Variants in SLC2A3 observed in about 807,000 individuals in gnomAD.
The protein encoded by SLC2A3 is solute carrier family 2 member 3.
A neutral mutation model predicts 46.4 loss-of-function variants in SLC2A3; 21 were observed. The ratio of observed to expected loss-of-function variants is 0.45; its 90% confidence interval spans 0.32 to 0.65. The LOEUF (loss-of-function observed/expected upper bound fraction) is 0.65, where lower values mean the gene tolerates loss of function less well. Ranked by LOEUF, SLC2A3 falls within the 30% of genes least tolerant of loss-of-function variation. The pLI, the probability that SLC2A3 is intolerant of heterozygous loss-of-function variation, is 0.04. For synonymous variants in SLC2A3, 213 were observed against 239.4 expected (o/e 0.89, Z 1.02); for missense variants, 499 against 623.3 (o/e 0.80, Z 2.12).
At chr12:7,925,628 CTA>C (rs1484757050) in intron 7 of SLC2A3, 3 of 425,616 alleles carry the variant, frequency 7.0e-6, no homozygotes, top group African/African-American at 5.9e-5. Flanking sequence ...TCAAAGCATA[CTA>C]TATAGTCCCT....
Position 7,930,542 on chromosome 12 carries a change from A to C in SLC2A3, c.611T>G (p.Phe204Cys), listed in dbSNP as rs1459332674. 4 of 1,613,916 alleles carry C rather than the reference A, an allele frequency of 2.5e-6. No individual in the cohort carries two copies. Among genetic ancestry groups the C allele is most frequent in the Admixed American group, 1.7e-5 (1 of 59,984 alleles). The change falls in exon 5 of 10, where the codon TTT becomes TGT. Residue 204 changes from phenylalanine (F) to cysteine (C), a missense_variant. Physicochemically the swap from Phe to Cys is radical, Grantham distance 205. Coordinates refer to ENST00000075120, the MANE Select transcript of SLC2A3 (RefSeq NM_006931.3). ...PAILQSAALP[F>C]CPESPRFLLI... ...CAAAAATCTGGGACTTTCAGGGCAA[A>C]ATGGAAGGGCTGCACTTTGTAGGAT...
In SLC2A3 at chr12:7,930,650, C is replaced by A; in HGVS notation, c.511-8G>T. Reference sequence around the variant, plus strand: ...GAATTCCAGACCAAAGATCTAGAAACCACACAAAGATAATGCTATAAACCC... The same window carrying A: ...GAATTCCAGACCAAAGATCTAGAAAACACACAAAGATAATGCTATAAACCC... On this transcript the variant is annotated splice_region_variant and splice_polypyrimidine_tract_variant and intron_variant, in intron 4 of 9. Coordinates refer to ENST00000075120, the MANE Select transcript of SLC2A3 (RefSeq NM_006931.3). 6.2e-7 allele frequency: 1 copy of A among 1,611,618 alleles called. No homozygotes were observed. The highest frequency in any genetic ancestry group is 1.7e-4 in the Middle Eastern group (1 of 6,058).
chr12:7,932,857 T>C (rs1373968360), intron 3 of SLC2A3, 130 bp downstream of exon 3: 6 of 1,367,944 alleles, frequency 4.4e-6, no homozygotes, highest in Non-Finnish European at 6.0e-6. Flanking sequence ...CCAGTTGGAC[T>C]AGGTTTCCCT....
At chr12:7,921,848 C>T (rs943612149) in intron 9 of SLC2A3, among the ~76,000 whole-genome samples, 1 of 152,082 alleles carries the variant, frequency 6.6e-6, no homozygotes, top group South Asian at 2.1e-4. Flanking sequence ...CAGTTAGATG[C>T]TTCCAAATGT....
chr12:7,933,598 C>A (rs1946181843), intron 2 of SLC2A3: 2 of 546,674 alleles, frequency 3.7e-6, no homozygotes, highest in South Asian at 2.5e-5. Context: ...GTCTTAAAAT[C>A]CCCTAGTTTG....
At chr12:7,930,202 T>C (rs1312843514) in intron 5 of SLC2A3, 1 of 518,074 alleles carries the variant, frequency 1.9e-6, no homozygotes, top group Admixed American at 3.5e-5. Context: ...TTCAGGCAGG[T>C]CTTGAACTCC....
At chr12:7,923,836 T>G (rs1229681335) in intron 8 of SLC2A3, among the ~76,000 whole-genome samples, 1 of 148,130 alleles carries the variant, frequency 6.8e-6, no homozygotes, top group Non-Finnish European at 1.5e-5. Flanking sequence ...TGGCACCATC[T>G]CAACTTACCA....
chr12:7,921,736 T>G, intron 9 of SLC2A3, 105 bp from the exon 10 acceptor site: 1 of 1,230,450 alleles, frequency 8.1e-7, no homozygotes, highest in East Asian at 2.5e-5. Flanking sequence ...GCTATAACCC[T>G]TCCATATTTA....
chr12:7,927,226 G>T (rs1405554484), intron 6 of SLC2A3, among the ~76,000 whole-genome samples: 2 of 152,100 alleles, frequency 1.3e-5, no homozygotes, highest in African/African-American at 2.4e-5. Flanking sequence ...CTGCTCTAGG[G>T]CTAATTAACA....
At chr12:7,930,948 T>C (rs1472170800) in intron 4 of SLC2A3, among the ~76,000 whole-genome samples, 10 of 151,798 alleles carry the variant, frequency 6.6e-5, no homozygotes, top group South Asian at 2.1e-4. Flanking sequence ...AGGTGCCCGC[T>C]ACCACGCCCG....
rs1946023113 is a variant in SLC2A3 at position 7,920,374 on chromosome 12, T to G, written c.*1039A>C. 1 of 151,482 alleles carries G rather than the reference T, an allele frequency of 6.6e-6. No individual in the cohort carries two copies. Among genetic ancestry groups the G allele is most frequent in the East Asian group, 1.9e-4 (1 of 5,168 alleles). 9.4% of individuals were successfully genotyped at this position (151,482 alleles called of 1,614,324 possible). Reference sequence around the variant, plus strand: ...GTAATGAGACTACTACAAGAAGGAGTTATTTCATCCAGTGAGGGGAACAGG... The same window carrying G: ...GTAATGAGACTACTACAAGAAGGAGGTATTTCATCCAGTGAGGGGAACAGG... On this transcript the variant is annotated 3_prime_UTR_variant, in exon 10 of 10. Coordinates refer to ENST00000075120, the MANE Select transcript of SLC2A3 (RefSeq NM_006931.3).
At chr12:7,926,007 C>T in intron 6 of SLC2A3, 59 bp from the exon 7 acceptor site, 1 of 1,435,746 alleles carries the variant, frequency 7.0e-7, no homozygotes, top group Admixed American at 1.8e-5. Context: ...TACACAGAAC[C>T]CTCAAAAATA....
At position 7,931,310 on chromosome 12, in the gene SLC2A3, C is replaced by G. The variant is rs1350360519; in HGVS notation, c.445G>C (p.Ala149Pro). Residue 149 changes from alanine (A) to proline (P), a missense_variant, in exon 4 of 10, where the codon GCC becomes CCC. Physicochemically the swap from Ala to Pro is conservative, Grantham distance 27. Transcript: ENST00000075120. Reference protein sequence around the residue: ...PMYIGEISPTALRGAFGTLNQ... With the variant: ...PMYIGEISPTPLRGAFGTLNQ... ...AGAGTGCCAAAGGCACCCCGCAGGG[C>G]AGTAGGCGAGATCTCTCCAATGTAC... The G allele has an allele frequency of 1.2e-6, 2 of 1,613,990 alleles. No homozygotes were observed. Among genetic ancestry groups the G allele is most frequent in the African/African-American group, 1.3e-5 (1 of 74,902 alleles).
Position 7,925,889 on chromosome 12 carries a change from G to A in SLC2A3, c.921C>T (p.Ala307=). The change falls in exon 7 of 10, where the codon GCC becomes GCT. Residue 307 remains alanine (A), a synonymous_variant. Transcript: ENST00000075120. ...KDAGVQEPIY[A]TIGAGVVNTI... The stretch of plus-strand genomic sequence containing the variant: ...TATTAACCACACCCGCGCCGATGGT[G>A]GCATAGATGGGCTCTTGAACACCTG... The A allele has an allele frequency of 1.9e-6, 3 of 1,613,776 alleles. No homozygotes were observed. Among genetic ancestry groups the A allele is most frequent in the Non-Finnish European group, 2.5e-6 (3 of 1,179,830 alleles).
intron 6 of SLC2A3, among the ~76,000 whole-genome samples, chr12:7,928,590 C>T (rs926337096): frequency 6.6e-6 from 1 of 151,834 alleles, no homozygotes; most frequent in African/African-American, 2.4e-5. Context: ...TTTTTTTAAA[C>T]AGGCACAGAA....
intron 6 of SLC2A3, among the ~76,000 whole-genome samples, chr12:7,929,348 TATC>T (rs1252569912): frequency 2.0e-5 from 3 of 152,206 alleles, no homozygotes; most frequent in South Asian, 2.1e-4. Flanking sequence ...CTCTTTAAAC[TATC>T]ATCTATCATG....
At chr12:7,923,714 C>T (rs2121182305) in intron 8 of SLC2A3, among the ~76,000 whole-genome samples, 1 of 151,842 alleles carries the variant, frequency 6.6e-6, no homozygotes, top group South Asian at 2.1e-4. Context: ...CTAACCTTGG[C>T]CTTCCAAAGT....
Position 7,920,102 on chromosome 12 carries a change from A to G in SLC2A3, c.*1311T>C, listed in dbSNP as rs1376081235. The G allele has an allele frequency of 1.3e-5, 2 of 152,448 alleles. No homozygotes were observed. The highest frequency in any genetic ancestry group is 2.4e-5 in the African/African-American group (1 of 41,408). The allele number at this position is 152,448 out of a possible 1,614,324, so 9.4% of individuals were successfully genotyped here. A position where few individuals can be genotyped will look rare whatever the true frequency, so the allele number is the denominator to read the frequency against. On this transcript the variant is annotated 3_prime_UTR_variant, in exon 10 of 10. Coordinates refer to ENST00000075120, the MANE Select transcript of SLC2A3 (RefSeq NM_006931.3). Reference sequence around the variant, plus strand: ...TGCCGTGAGCCTAAAGCAACAACACACTTTAGATAATAATCGCTCAGAAAA... The same window carrying G: ...TGCCGTGAGCCTAAAGCAACAACACGCTTTAGATAATAATCGCTCAGAAAA...
intron 5 of SLC2A3, 118 bp from the exon 6 acceptor site, chr12:7,929,989 C>CT (rs375573140): frequency 0.1 from 106,467 of 1,063,740 alleles, 1 homozygote; most frequent in Non-Finnish European, 0.11. Context: ...GCATCCATTC[C>CT]TTTTTTTTTT....
Sources: allele counts gnomAD v4.1 joint callset (sites outside exome capture counted in the v4.1 genomes callset), GRCh38; gene constraint gnomAD v4.1.1; transcripts MANE v1.5; gene names NCBI Gene and HGNC (gene_info 2026-07-23, HGNC 2026-07-21).